Variants in HDLBP observed in about 807,000 individuals in gnomAD.
HDLBP encodes the protein high density lipoprotein binding protein.
In HDLBP, 30 loss-of-function variants were observed where a neutral mutation model predicts 137.3. That is an observed-to-expected ratio of 0.22 (90% CI 0.16 to 0.30). The LOEUF (loss-of-function observed/expected upper bound fraction) is 0.30, where lower values mean the gene tolerates loss of function less well. Among genes scored for constraint, HDLBP ranks in the 10% least tolerant of loss-of-function variants. The pLI, the probability that HDLBP is intolerant of heterozygous loss-of-function variation, is 1.00. For synonymous variants in HDLBP, 606 were observed against 596.0 expected (o/e 1.02, Z -0.24); for missense variants, 1,119 against 1,667.3 (o/e 0.67, Z 5.73).
chr2:241,279,244 G>A (rs753380409), intron 1 of HDLBP, among the ~76,000 whole-genome samples: 28 of 152,090 alleles, frequency 1.8e-4, no homozygotes, highest in Non-Finnish European at 1.0e-4. Context: ...GTATGTGTGT[G>A]TATGGAATTT....
chr2:241,256,839 A>G (rs371822666), intron 5 of HDLBP, 33 bp from the exon 6 acceptor site: 3 of 1,575,184 alleles, frequency 1.9e-6, no homozygotes, highest in Admixed American at 1.7e-5. Flanking sequence ...GAAAACAAGA[A>G]TATTTGTAGG....
chr2:241,236,784 GA>G lies in HDLBP; in HGVS notation c.2750-16del. 1 of 1,612,746 alleles carries G rather than the reference GA, an allele frequency of 6.2e-7. No individual in the cohort carries two copies. Among genetic ancestry groups the G allele is most frequent in the Non-Finnish European group, 8.5e-7 (1 of 1,179,102 alleles). On this transcript the variant is annotated splice_polypyrimidine_tract_variant and intron_variant, in intron 20 of 27. Transcript: ENST00000310931. ...TGTACTGTGAACTAGAGAGAAAGGGGAAAAGGGACAGCTGACAGCTGCTGGA... is the reference window on the plus strand; with the variant it reads ...TGTACTGTGAACTAGAGAGAAAGGGGAAAGGGACAGCTGACAGCTGCTGGA...
Position 241,262,692 on chromosome 2 carries a change from T to C in HDLBP, c.450+19A>G, listed in dbSNP as rs753953305. On this transcript the variant is annotated intron_variant, in intron 5 of 27. Transcript: ENST00000310931. ...CGGGTACACAGTCACTGGGGAGAAGTAGGCCTCAGGCTACCCACCTGAGTC... is the reference window on the plus strand; with the variant it reads ...CGGGTACACAGTCACTGGGGAGAAGCAGGCCTCAGGCTACCCACCTGAGTC... 7.6e-6 allele frequency: 12 copies of C among 1,582,402 alleles called. No homozygotes were observed. Among genetic ancestry groups the C allele is most frequent in the Middle Eastern group, 2.1e-4 (1 of 4,870 alleles).
At chr2:241,293,277 C>T (rs2075065101) in intron 1 of HDLBP, among the ~76,000 whole-genome samples, 1 of 151,860 alleles carries the variant, frequency 6.6e-6, no homozygotes. Flanking sequence ...GAGTTTGAGA[C>T]CAGCTTGGAC....
At chr2:241,284,709 G>A (rs868177654) in intron 1 of HDLBP, among the ~76,000 whole-genome samples, 12 of 152,196 alleles carry the variant, frequency 7.9e-5, no homozygotes, top group African/African-American at 2.9e-4. Flanking sequence ...AATCAATGCA[G>A]TAAACTTCAT....
chr2:241,280,226 C>A, intron 1 of HDLBP: 1 of 570,424 alleles, frequency 1.8e-6, no homozygotes, highest in Non-Finnish European at 2.2e-6. Flanking sequence ...GCTCATATTA[C>A]ATTTTTATTA....
In HDLBP at chr2:241,248,782, G is replaced by A. The variant is rs542046603; in HGVS notation, c.1513-434C>T. Among the ~76,000 whole-genome samples the A allele has an allele frequency of 5.5e-4, 83 of 152,026 alleles. 1 individual carries two copies. Among genetic ancestry groups the A allele is most frequent in the African/African-American group, 1.9e-3 (77 of 41,470 alleles). On this transcript the variant is annotated intron_variant, in intron 12 of 27. Coordinates refer to ENST00000310931, the MANE Select transcript of HDLBP (RefSeq NM_005336.6). ...ATCCCTTCTGAACAGAGGGTGGCTCGGACCACTTTCCCCGCATGGCTAAGA... is the reference window on the plus strand; with the variant it reads ...ATCCCTTCTGAACAGAGGGTGGCTCAGACCACTTTCCCCGCATGGCTAAGA...
chr2:241,298,536 A>G (rs1013861604), intron 1 of HDLBP, among the ~76,000 whole-genome samples: 5 of 152,192 alleles, frequency 3.3e-5, no homozygotes, highest in Admixed American at 3.3e-4. Context: ...TGACATAAAT[A>G]AGCAAATTGA....
chr2:241,273,630 T>C, intron 1 of HDLBP: 1 of 985,344 alleles, frequency 1.0e-6, no homozygotes, highest in Non-Finnish European at 1.2e-6. Context: ...AGTCTGAACC[T>C]CTGGCAAAGT....
chr2:241,314,229 G>C (rs2075894474), intron 1 of HDLBP, among the ~76,000 whole-genome samples: 2 of 152,032 alleles, frequency 1.3e-5, no homozygotes, highest in Admixed American at 6.5e-5. Context: ...ATTTAGCCTA[G>C]GGATACTTTT....
chr2:241,272,860 A>C lies in HDLBP; in HGVS notation c.-102-4319T>G. ...GCGCGGCGCCCGGGCCCCGGCTGCT[A>C]TATAGGGCGGCGGCCCAATCCCGCC... On this transcript the variant is annotated intron_variant, in intron 1 of 27. Coordinates refer to ENST00000310931, the MANE Select transcript of HDLBP (RefSeq NM_005336.6). The surrounding 1 kb of genome is among the most constrained non-coding windows in gnomAD (Gnocchi z 5.6). 6.5e-6 allele frequency: 2 copies of C among 307,014 alleles called. No individual in the cohort carries two copies. Among genetic ancestry groups the C allele is most frequent in the Non-Finnish European group, 9.5e-6 (2 of 210,480 alleles). The allele number at this position is 307,014 out of a possible 1,614,324, so 19.0% of individuals were successfully genotyped here.
intron 5 of HDLBP, among the ~76,000 whole-genome samples, chr2:241,261,673 G>A (rs951529298): frequency 6.6e-6 from 1 of 152,236 alleles, no homozygotes. Flanking sequence ...CACCATGCTG[G>A]ACAATTATAA....
chr2:241,275,604 G>A (rs1477030749), intron 1 of HDLBP, among the ~76,000 whole-genome samples: 2 of 152,108 alleles, frequency 1.3e-5, no homozygotes, highest in African/African-American at 2.4e-5. Context: ...GTGTCTAGCA[G>A]GATAATTTAA....
rs572005997 is a variant in HDLBP at position 241,256,901 on chromosome 2, C to T, written c.451-95G>A. On this transcript the variant is annotated intron_variant, in intron 5 of 27. Transcript: ENST00000310931. Reference sequence around the variant, plus strand: ...CATTCTGGCAGAAACACCATCTTTGCTTATTCCTGCCCAGCAGCACCAACT... The same window carrying T: ...CATTCTGGCAGAAACACCATCTTTGTTTATTCCTGCCCAGCAGCACCAACT... 19 of 1,020,212 alleles carry T rather than the reference C, an allele frequency of 1.9e-5. No homozygotes were observed. In the African/African-American group the frequency reaches 2.9e-4, roughly 15 times the overall value. 63.2% of individuals were successfully genotyped at this position (1,020,212 alleles called of 1,614,324 possible). A position where few individuals can be genotyped will look rare whatever the true frequency, so the allele number is the denominator to read the frequency against.
intron 12 of HDLBP, among the ~76,000 whole-genome samples, chr2:241,248,774 G>C (rs895335826): frequency 1.3e-5 from 2 of 151,982 alleles, no homozygotes; most frequent in African/African-American, 4.8e-5. Flanking sequence ...CTGAACAGAG[G>C]GTGGCTCGGA....
At position 241,248,047 on chromosome 2, in the gene HDLBP, C is replaced by T. The variant is rs1394634926; in HGVS notation, c.1687G>A (p.Val563Met). Residue 563 changes from valine (V) to methionine (M), a missense_variant, in exon 14 of 28, where the codon GTG (valine) becomes ATG (methionine). By Grantham distance (21) the Val-to-Met change is conservative (BLOSUM62 1). This residue lies in a region of HDLBP where 425 missense variants were observed against 693.9 expected (regional missense o/e 0.61). Coordinates refer to ENST00000310931, the MANE Select transcript of HDLBP (RefSeq NM_005336.6). Reference protein sequence around the residue: ...IVQLRGPKNEVEKCTKYMQKM... With the variant: ...IVQLRGPKNEMEKCTKYMQKM... Reference sequence around the variant, plus strand: ...TGCATGTATTTTGTGCATTTTTCCACCTCATTCTTAGGTCCTCTGAGCTGG... The same window carrying T: ...TGCATGTATTTTGTGCATTTTTCCATCTCATTCTTAGGTCCTCTGAGCTGG... 1 of 1,614,010 alleles carries T rather than the reference C, an allele frequency of 6.2e-7. No individual in the cohort carries two copies. Among genetic ancestry groups the T allele is most frequent in the Non-Finnish European group, 8.5e-7 (1 of 1,179,990 alleles).
chr2:241,267,992 C>T (rs1197212133), intron 2 of HDLBP: 3 of 941,478 alleles, frequency 3.2e-6, no homozygotes, highest in Non-Finnish European at 3.7e-6. Context: ...CCTCTCCTTC[C>T]CTCTCCTTCC....
At chr2:241,291,329 C>CA (rs2075007295) in intron 1 of HDLBP, among the ~76,000 whole-genome samples, 1 of 152,138 alleles carries the variant, frequency 6.6e-6, no homozygotes. Flanking sequence ...CGAGGTACAA[C>CA]ACCCTCCTGT....
intron 1 of HDLBP, among the ~76,000 whole-genome samples, chr2:241,312,692 T>C (rs2075788871): frequency 6.6e-6 from 1 of 152,210 alleles, no homozygotes; most frequent in Non-Finnish European, 1.5e-5. Context: ...CATTTGCCTA[T>C]GGGATGGATG....
Sources: allele counts gnomAD v4.1 joint callset (sites outside exome capture counted in the v4.1 genomes callset), GRCh38; gene constraint gnomAD v4.1.1; regional missense constraint gnomAD v4.1.1; non-coding constraint Gnocchi (gnomAD v3.1); transcripts MANE v1.5; gene names NCBI Gene and HGNC (gene_info 2026-07-23, HGNC 2026-07-21).